FBLN2: variants seen among roughly 807,000 people sequenced by gnomAD.
The protein encoded by FBLN2 is fibulin-2.
FBLN2 carries 81 observed loss-of-function variants against 123.7 expected under a neutral mutation model. The observed-to-expected ratio is 0.65, with a 90% CI of 0.55 to 0.79. The LOEUF is 0.79. Among genes scored for constraint, FBLN2 ranks in the 30% least tolerant of loss-of-function variants. The pLI, the probability that FBLN2 is intolerant of heterozygous loss-of-function variation, is 0.00. For missense variants in FBLN2, 1,603 were observed against 1,681.3 expected (o/e 0.95, Z 0.81); for synonymous variants, 699 against 701.4 (o/e 1.00, Z 0.05).
At chr3:13,572,788 G>T (rs1704005952) in intron 2 of FBLN2, among the ~76,000 whole-genome samples, 1 of 152,226 alleles carries the variant, frequency 6.6e-6, no homozygotes, top group African/African-American at 2.4e-5. Flanking sequence ...TGCTAAGCAG[G>T]GGCCACAGCC....
chr3:13,621,649 C>T (rs7630380), intron 8 of FBLN2, 126 bp from the exon 9 acceptor site: 4 of 961,160 alleles, frequency 4.2e-6, no homozygotes, highest in Non-Finnish European at 6.2e-6. Flanking sequence ...TACACACAGT[C>T]AGGCGGGGAG....
chr3:13,576,854 G>C (rs1176356526), intron 2 of FBLN2, among the ~76,000 whole-genome samples: 1 of 152,202 alleles, frequency 6.6e-6, no homozygotes, highest in Non-Finnish European at 1.5e-5. Flanking sequence ...TCACAGTGCT[G>C]ACATTCTGTT....
chr3:13,570,785 C>T lies in FBLN2; in HGVS notation c.430C>T (p.His144Tyr). 4.4e-6 allele frequency: 7 copies of T among 1,598,036 alleles called. No homozygotes were observed. The South Asian group carries it at 4.5e-5, about 10-fold the overall frequency. ...CGQVGCVHAGHKYAAGHTVHL... is the reference protein window; with the variant it reads ...CGQVGCVHAGYKYAAGHTVHL... ...CCAGGTGGGCTGCGTCCACGCGGGC[C>T]ACAAGTACGCCGCTGGCCACACTGT... Residue 144 changes from histidine to tyrosine, a missense_variant, in exon 2 of 18, where the codon CAC becomes TAC. Coordinates refer to ENST00000404922, the MANE Select transcript of FBLN2 (RefSeq NM_001004019.2).
chr3:13,636,711 C>A, intron 17 of FBLN2, 143 bp downstream of exon 17: 2 of 996,768 alleles, frequency 2.0e-6, no homozygotes, highest in Non-Finnish European at 2.9e-6. Flanking sequence ...GGCTAGGTGA[C>A]CAAAACAAAT....
chr3:13,631,864 G>C (rs1220287661), intron 16 of FBLN2, among the ~76,000 whole-genome samples: 1 of 152,196 alleles, frequency 6.6e-6, no homozygotes, highest in Non-Finnish European at 1.5e-5. Flanking sequence ...TGGACCCAGA[G>C]AGTAGGGCGG....
chr3:13,611,444 AG>A (rs1365050717), intron 4 of FBLN2, among the ~76,000 whole-genome samples: 2 of 151,974 alleles, frequency 1.3e-5, no homozygotes, highest in Non-Finnish European at 2.9e-5. Flanking sequence ...CTCTCCCTGT[AG>A]CTCCTGGTAA....
In FBLN2 at chr3:13,637,907, C is replaced by A. The variant is rs779419449; in HGVS notation, c.3684C>A (p.Thr1228=). 8.8e-6 allele frequency: 14 copies of A among 1,587,338 alleles called. No homozygotes were observed. In the South Asian group the frequency reaches 1.5e-4, roughly 17 times the overall value. ...FLAKMHIFFT[T]FAL ...CCAAGATGCACATCTTCTTCACCAC[C>A]TTTGCCCTGTGAGGTGCCAGCACGG... The change falls in exon 18 of 18, where the codon ACC becomes ACA. Residue 1228 remains threonine (T), a synonymous_variant. Coordinates refer to ENST00000404922, the MANE Select transcript of FBLN2 (RefSeq NM_001004019.2).
rs1430737444 is a variant in FBLN2, at chr3:13,571,658, G to A, written c.1303G>A (p.Glu435Lys). ...CCATTCTATCCCCAGAAGTAGCCCT[G>A]AAGGTAAGACCCTGTCCTGGTTCCT... ...SVHSIPRSSP[E>K]GSTKDLIETC... Residue 435 changes from glutamate to lysine, a missense_variant, in exon 2 of 18, where the codon GAA becomes AAA. Physicochemically the swap from Glu to Lys is moderately conservative, Grantham distance 56. Transcript: ENST00000404922. 5 of 1,589,478 alleles carry A rather than the reference G, an allele frequency of 3.1e-6. No individual in the cohort carries two copies. Among genetic ancestry groups the A allele is most frequent in the East Asian group, 2.2e-5 (1 of 44,642 alleles).
At chr3:13,609,745 G>T in intron 4 of FBLN2, 103 bp downstream of exon 4, 1 of 1,400,872 alleles carries the variant, frequency 7.1e-7, no homozygotes, top group Non-Finnish European at 9.7e-7. Context: ...GGCTGTCCTT[G>T]GGGCTCCTCC....
chr3:13,577,296 C>T (rs557825806), intron 2 of FBLN2, among the ~76,000 whole-genome samples: 109 of 151,716 alleles, frequency 7.2e-4, no homozygotes, highest in African/African-American at 2.6e-3. Flanking sequence ...GGCGGTGACC[C>T]GAGCAGAGAG....
At chr3:13,604,916 G>A (rs1705154794) in intron 2 of FBLN2, among the ~76,000 whole-genome samples, 1 of 152,252 alleles carries the variant, frequency 6.6e-6, no homozygotes, top group Non-Finnish European at 1.5e-5. Context: ...GTGTGCAGGT[G>A]CCGTCCTTCA....
chr3:13,621,995 A>AT lies in FBLN2; in HGVS notation c.2296+81dup, dbSNP rs1269376428. 3.3e-6 allele frequency: 5 copies of AT among 1,509,660 alleles called. No individual in the cohort carries two copies. In the African/African-American group the frequency reaches 6.9e-5, roughly 21 times the overall value. 93.5% of individuals were successfully genotyped at this position (1,509,660 alleles called of 1,614,324 possible). On this transcript the variant is annotated intron_variant, in intron 9 of 17. Transcript: ENST00000404922. ...GCCAAGCCCACCACACTGTGGCCAC[A>AT]TGCCAAAGGGCCTGCCCTTTGCATG...
At chr3:13,612,272 T>C (rs1173288068) in intron 4 of FBLN2, among the ~76,000 whole-genome samples, 2 of 150,888 alleles carry the variant, frequency 1.3e-5, no homozygotes, top group Non-Finnish European at 3.0e-5. Flanking sequence ...TCTTTTATTT[T>C]CCTTTTCTTT....
chr3:13,592,602 T>C (rs1288912422), intron 2 of FBLN2, among the ~76,000 whole-genome samples: 1 of 152,240 alleles, frequency 6.6e-6, no homozygotes, highest in Non-Finnish European at 1.5e-5. Context: ...ATATTAAGTT[T>C]CCAGCCCATG....
chr3:13,551,466 C>T (rs1296422351), intron 1 of FBLN2, among the ~76,000 whole-genome samples: 1 of 152,180 alleles, frequency 6.6e-6, no homozygotes, highest in Non-Finnish European at 1.5e-5. Context: ...AACTCTTGCA[C>T]CTATTTAAGA....
At chr3:13,632,056 G>A (rs573744180) in intron 16 of FBLN2, among the ~76,000 whole-genome samples, 1 of 152,166 alleles carries the variant, frequency 6.6e-6, no homozygotes, top group South Asian at 2.1e-4. Context: ...TGCAAGAGAG[G>A]GGACTGTGTC....
intron 2 of FBLN2, among the ~76,000 whole-genome samples, chr3:13,606,171 A>G (rs1296676404): frequency 6.6e-6 from 1 of 152,192 alleles, no homozygotes; most frequent in Non-Finnish European, 1.5e-5. Context: ...AAATGCTGGG[A>G]TACAGGCGTG....
chr3:13,553,555 G>C (rs372976248), intron 1 of FBLN2, among the ~76,000 whole-genome samples: 6 of 152,250 alleles, frequency 3.9e-5, no homozygotes, highest in Non-Finnish European at 7.3e-5. Context: ...AGGGCCCCTC[G>C]TGGGTCAAGC....
intron 2 of FBLN2, among the ~76,000 whole-genome samples, chr3:13,580,386 A>G (rs562573610): frequency 6.6e-6 from 1 of 152,252 alleles, no homozygotes; most frequent in South Asian, 2.1e-4. Flanking sequence ...CATGCGACAA[A>G]TATTTATTGA....
Sources: gnomAD v4.1 joint callset for allele counts (sites outside exome capture counted in the v4.1 genomes callset) on GRCh38, gnomAD v4.1.1 for gene constraint, MANE v1.5 for transcripts, NCBI Gene and HGNC (gene_info 2026-07-23, HGNC 2026-07-21) for gene names.